The following SERPINB5 variants were observed in gnomAD, a reference collection of about 807,000 sequenced individuals.
SERPINB5 encodes serpin B5.
A neutral mutation model predicts 32.2 loss-of-function variants in SERPINB5; 27 were observed. The ratio of observed to expected loss-of-function variants is 0.84; its 90% confidence interval spans 0.62 to 1.16. The LOEUF is 1.16. Ranked by LOEUF, SERPINB5 falls within the 50% of genes most tolerant of loss-of-function variation. The probability of loss-of-function intolerance (pLI) is 0.00; values close to 1 mark genes in which losing one functional copy is unlikely to be tolerated. For missense variants in SERPINB5, 388 were observed against 436.3 expected (o/e 0.89, Z 0.99); for synonymous variants, 154 against 157.4 (o/e 0.98, Z 0.16).
At chr18:63,484,739 A>AT (rs1474564506) in intron 2 of SERPINB5, 143 bp downstream of exon 2, 3 of 144,838 alleles carry the variant, frequency 2.1e-5, no homozygotes, top group South Asian at 1.1e-4. Context: ...GACTCTCTTA[A>AT]TCTTTTTTTT....
chr18:63,502,432 G>A lies in SERPINB5; in HGVS notation c.736-898G>A, dbSNP rs372613506. 1.5e-4 allele frequency among the ~76,000 whole-genome samples: 23 copies of A among 152,028 alleles called. 1 individual carries two copies. The East Asian group carries it at 2.3e-3, about 15-fold the overall frequency. On this transcript the variant is annotated intron_variant, in intron 6 of 6. Coordinates refer to ENST00000382771, the MANE Select transcript of SERPINB5 (RefSeq NM_002639.5). ...TTGCAGGCGTGAGCCACTGCGCCCA[G>A]CCGCATCTCTCTCATTTTTTAAAAC...
chr18:63,477,129 G>A (rs3744942), intron 1 of SERPINB5, 84 bp downstream of exon 1: 105,952 of 151,912 alleles, frequency 0.7, 37,562 homozygotes, highest in African/African-American at 0.83. Flanking sequence ...GATTTGAGAT[G>A]GTGAACAAAA....
At chr18:63,501,317 G>A (rs910861622) in intron 6 of SERPINB5, among the ~76,000 whole-genome samples, 2 of 151,564 alleles carry the variant, frequency 1.3e-5, no homozygotes, top group African/African-American at 2.4e-5. Context: ...CCTTGTGATA[G>A]TTTGCTGATA....
intron 4 of SERPINB5, among the ~76,000 whole-genome samples, chr18:63,489,815 T>TATAA (rs1466453604): frequency 1.3e-5 from 2 of 152,198 alleles, no homozygotes; most frequent in African/African-American, 4.8e-5. Flanking sequence ...GGGACTGGAT[T>TATAA]ATAACTTCAT....
At chr18:63,486,144 G>A (rs1917210736) in intron 2 of SERPINB5, 1 of 152,104 alleles carries the variant, frequency 6.6e-6, no homozygotes, top group Non-Finnish European at 1.5e-5. Flanking sequence ...TTACATATAA[G>A]TAATCCTCAT....
chr18:63,489,570 G>C, intron 4 of SERPINB5, 106 bp downstream of exon 4: 2 of 696,998 alleles, frequency 2.9e-6, no homozygotes, highest in East Asian at 2.7e-5. Flanking sequence ...GGATTCTCTG[G>C]ATATTTTTAC....
chr18:63,483,741 A>G (rs1917159243), intron 1 of SERPINB5, among the ~76,000 whole-genome samples: 1 of 152,224 alleles, frequency 6.6e-6, no homozygotes, highest in Non-Finnish European at 1.5e-5. Flanking sequence ...GTGTCTTCAC[A>G]TCTTCCCTCT....
intron 3 of SERPINB5, among the ~76,000 whole-genome samples, chr18:63,488,623 C>CT (rs1458065021): frequency 2.6e-5 from 4 of 152,124 alleles, no homozygotes; most frequent in African/African-American, 4.8e-5. Context: ...AGGGCAAGTT[C>CT]TTCAGGCCCT....
chr18:63,484,033 T>C (rs1408453439), intron 1 of SERPINB5, among the ~76,000 whole-genome samples: 2 of 152,254 alleles, frequency 1.3e-5, no homozygotes, highest in Non-Finnish European at 2.9e-5. Flanking sequence ...TTATAAAAGT[T>C]TTAACTTTGT....
intron 5 of SERPINB5, among the ~76,000 whole-genome samples, chr18:63,494,321 C>CAAAAAA (rs372412366): frequency 4.0e-3 from 182 of 45,824 alleles, no homozygotes; most frequent in East Asian, 9.1e-3. Flanking sequence ...GACTCCATCT[C>CAAAAAA]AAAAAAAAAA....
intron 1 of SERPINB5, among the ~76,000 whole-genome samples, chr18:63,481,690 T>C (rs1239601038): frequency 1.3e-5 from 2 of 152,256 alleles, no homozygotes; most frequent in African/African-American, 4.8e-5. Context: ...AGGTTTCCTA[T>C]TCTGAAAGTC....
intron 5 of SERPINB5, among the ~76,000 whole-genome samples, chr18:63,496,604 G>A (rs1212954454): frequency 6.6e-6 from 1 of 152,196 alleles, no homozygotes; most frequent in Non-Finnish European, 1.5e-5. Context: ...CTCTGCTGGA[G>A]AGAGGTATTG....
At chr18:63,502,263 G>C (rs952645790) in intron 6 of SERPINB5, among the ~76,000 whole-genome samples, 1 of 151,598 alleles carries the variant, frequency 6.6e-6, no homozygotes, top group East Asian at 1.9e-4. Flanking sequence ...AGCCTCCCGA[G>C]TAGCTGGGAC....
chr18:63,485,022 CTTAAT>C (rs1917187094), intron 2 of SERPINB5, among the ~76,000 whole-genome samples: 1 of 151,982 alleles, frequency 6.6e-6, no homozygotes, highest in Non-Finnish European at 1.5e-5. Context: ...TTACAGGCAT[CTTAAT>C]TTATTTTTAA....
intron 6 of SERPINB5, 130 bp downstream of exon 6, chr18:63,499,417 C>A: frequency 2.9e-6 from 2 of 699,202 alleles, no homozygotes; most frequent in Non-Finnish European, 4.3e-6. Context: ...CAGTCACCTC[C>A]AAGGACCCAT....
Position 63,489,428 on chromosome 18 carries a change from G to A in SERPINB5, c.388G>A (p.Gly130Ser), listed in dbSNP as rs374983437. 6.2e-7 allele frequency: 1 copy of A among 1,612,502 alleles called. No individual in the cohort carries two copies. Among genetic ancestry groups the A allele is most frequent in the African/African-American group, 1.3e-5 (1 of 74,834 alleles). Reference sequence around the variant, plus strand: ...CAAAGATAAATTGGAAGAAACGAAAGGTCAGATCAACAACTCAATTAAGGA... The same window carrying A: ...CAAAGATAAATTGGAAGAAACGAAAAGTCAGATCAACAACTCAATTAAGGA... ...DFKDKLEETKGQINNSIKDLT... is the reference protein window; with the variant it reads ...DFKDKLEETKSQINNSIKDLT... Residue 130 changes from glycine to serine, a missense_variant, in exon 4 of 7, where the codon GGT (glycine) becomes AGT (serine). Gly to Ser is a moderately conservative substitution (Grantham distance 56). Coordinates refer to ENST00000382771, the MANE Select transcript of SERPINB5 (RefSeq NM_002639.5).
rs1320202083 is a variant in SERPINB5, at chr18:63,504,358, AAATC to A, written c.*639_*642del. 6.6e-6 allele frequency: 1 copy of A among 152,312 alleles called. No individual in the cohort carries two copies. Among genetic ancestry groups the A allele is most frequent in the East Asian group, 1.9e-4 (1 of 5,206 alleles). 9.4% of individuals were successfully genotyped at this position (152,312 alleles called of 1,614,324 possible). Reference sequence around the variant, plus strand: ...GATCAGATCTGGGGCAGCACCCTATAAATCAACACCTTAATATGCTGCAACAAAA... The same window carrying A: ...GATCAGATCTGGGGCAGCACCCTATAAACACCTTAATATGCTGCAACAAAA... On this transcript the variant is annotated 3_prime_UTR_variant, in exon 7 of 7. Coordinates refer to ENST00000382771, the MANE Select transcript of SERPINB5 (RefSeq NM_002639.5).
intron 6 of SERPINB5, among the ~76,000 whole-genome samples, chr18:63,501,200 C>T (rs1909565244): frequency 7.9e-6 from 1 of 126,480 alleles, no homozygotes; most frequent in African/African-American, 2.9e-5. Context: ...CCCCTCCCCC[C>T]ACCCCACAAC....
rs759579578 is a variant in SERPINB5 at position 63,503,421 on chromosome 18, T to A, written c.827T>A (p.Phe276Tyr). 8.1e-6 allele frequency: 13 copies of A among 1,614,220 alleles called. No individual in the cohort carries two copies. The highest frequency in any genetic ancestry group is 1.1e-5 in the Non-Finnish European group (13 of 1,180,046). The change falls in exon 7 of 7, where the codon TTT (phenylalanine) becomes TAT (tyrosine). Residue 276 changes from phenylalanine to tyrosine, a missense_variant. Transcript: ENST00000382771. ...NAKVKLSIPK[F>Y]KVEKMIDPKA... ...AAGGTCAAACTCTCCATTCCAAAAT[T>A]TAAGGTGGAAAAGATGATTGATCCC...
Sources: allele counts gnomAD v4.1 joint callset (sites outside exome capture counted in the v4.1 genomes callset), GRCh38; gene constraint gnomAD v4.1.1; transcripts MANE v1.5; gene names NCBI Gene and HGNC (gene_info 2026-07-23, HGNC 2026-07-21).